Variants in SORCS3 observed in about 807,000 individuals in gnomAD.
SORCS3 encodes VPS10 domain-containing receptor SorCS3.
A neutral mutation model predicts 146.3 loss-of-function variants in SORCS3; 57 were observed. The ratio of observed to expected loss-of-function variants is 0.39; its 90% CI spans 0.31 to 0.49. The LOEUF is 0.49. Ranked by LOEUF, SORCS3 falls within the 20% of genes least tolerant of loss-of-function variation. The pLI, the probability that SORCS3 is intolerant of heterozygous loss-of-function variation, is 0.92. For missense variants in SORCS3, 1,341 were observed against 1,575.5 expected, an observed-to-expected ratio of 0.85 and a Z score of 2.52; for synonymous variants, 653 against 618.5, an observed-to-expected ratio of 1.06 and a Z score of -0.83.
intron 5 of SORCS3, among the ~76,000 whole-genome samples, chr10:105,074,319 T>G (rs909326954): frequency 6.6e-6 from 1 of 152,172 alleles, no homozygotes; most frequent in Non-Finnish European, 1.5e-5. Context: ...GTCTCTAGTC[T>G]CTCATTGATA....
intron 1 of SORCS3, among the ~76,000 whole-genome samples, chr10:104,811,037 C>T (rs2017734897): frequency 6.6e-6 from 1 of 152,110 alleles, no homozygotes; most frequent in Non-Finnish European, 1.5e-5. Context: ...AAGAAAAGCC[C>T]ATTGCTTCAA....
intron 3 of SORCS3, among the ~76,000 whole-genome samples, chr10:104,969,154 C>A (rs2054843758): frequency 2.0e-5 from 3 of 152,144 alleles, no homozygotes. Flanking sequence ...AATATGGCCT[C>A]CTCCTTTTTT....
chr10:104,741,523 A>G (rs1441057191), intron 1 of SORCS3, among the ~76,000 whole-genome samples: 1 of 149,558 alleles, frequency 6.7e-6, no homozygotes, highest in Non-Finnish European at 1.5e-5. Flanking sequence ...TTGTTTCTTC[A>G]CTCTACTTTC....
At chr10:104,825,174 C>A (rs1256846587) in intron 1 of SORCS3, among the ~76,000 whole-genome samples, 1 of 152,130 alleles carries the variant, frequency 6.6e-6, no homozygotes, top group Non-Finnish European at 1.5e-5. Context: ...ACTCAAATGG[C>A]AAATGACCTG....
chr10:105,137,706 A>T (rs2056068387), intron 7 of SORCS3, among the ~76,000 whole-genome samples: 1 of 152,148 alleles, frequency 6.6e-6, no homozygotes, highest in Non-Finnish European at 1.5e-5. Context: ...TTGATCCCCA[A>T]CTCAGATCTA....
chr10:105,075,116 C>A (rs1003388533), intron 5 of SORCS3, among the ~76,000 whole-genome samples: 2 of 152,164 alleles, frequency 1.3e-5, no homozygotes, highest in African/African-American at 4.8e-5. Context: ...TCCCCGAATT[C>A]CTCCAGCACT....
intron 14 of SORCS3, among the ~76,000 whole-genome samples, chr10:105,197,292 G>A (rs916929153): frequency 6.6e-6 from 1 of 152,052 alleles, no homozygotes; most frequent in Admixed American, 6.6e-5. Context: ...TTAAACTTTA[G>A]GAACTATGAA....
At chr10:104,738,663 C>T (rs1004934908) in intron 1 of SORCS3, among the ~76,000 whole-genome samples, 2 of 152,072 alleles carry the variant, frequency 1.3e-5, no homozygotes, top group Admixed American at 6.6e-5. Flanking sequence ...GAGGCAGACA[C>T]GTGTGACTGT....
At chr10:104,726,427 T>A (rs1429161017) in intron 1 of SORCS3, among the ~76,000 whole-genome samples, 1 of 152,168 alleles carries the variant, frequency 6.6e-6, no homozygotes, top group Non-Finnish European at 1.5e-5. Flanking sequence ...ATTAATGCTG[T>A]AGGCCAACGT....
chr10:104,969,012 A>G (rs929427285), intron 3 of SORCS3, among the ~76,000 whole-genome samples: 3 of 152,226 alleles, frequency 2.0e-5, no homozygotes, highest in East Asian at 3.8e-4. Flanking sequence ...TTTGAAATCC[A>G]TGTGTAACAA....
intron 1 of SORCS3, among the ~76,000 whole-genome samples, chr10:104,677,657 G>A (rs1317503069): frequency 6.6e-6 from 1 of 152,158 alleles, no homozygotes; most frequent in East Asian, 1.9e-4. Context: ...CCCAGGGCTT[G>A]CTATCAGAGC....
chr10:105,173,049 G>A (rs1406764408), intron 13 of SORCS3, among the ~76,000 whole-genome samples: 1 of 151,998 alleles, frequency 6.6e-6, no homozygotes, highest in Non-Finnish European at 1.5e-5. Flanking sequence ...ATTATGATGA[G>A]AAATCTAGAT....
intron 1 of SORCS3, among the ~76,000 whole-genome samples, chr10:104,700,597 A>T (rs2016269013): frequency 6.6e-6 from 1 of 152,144 alleles, no homozygotes; most frequent in Admixed American, 6.5e-5. Context: ...TGACAGCCTC[A>T]TCAGAATAAA....
chr10:104,838,277 T>C (rs1341572379), intron 1 of SORCS3, among the ~76,000 whole-genome samples: 1 of 152,068 alleles, frequency 6.6e-6, no homozygotes, highest in Non-Finnish European at 1.5e-5. Flanking sequence ...AGCCACACTC[T>C]CATCTCTTTC....
At chr10:104,820,181 T>G (rs956854856) in intron 1 of SORCS3, among the ~76,000 whole-genome samples, 1 of 152,154 alleles carries the variant, frequency 6.6e-6, no homozygotes, top group Non-Finnish European at 1.5e-5. Flanking sequence ...TTTTTTAGGG[T>G]AAGAATATAT....
At chr10:105,013,303 C>T (rs2055145957) in intron 4 of SORCS3, among the ~76,000 whole-genome samples, 1 of 151,948 alleles carries the variant, frequency 6.6e-6, no homozygotes, top group South Asian at 2.1e-4. Context: ...AATAGTAAAA[C>T]ATTACAAACT....
intron 26 of SORCS3, among the ~76,000 whole-genome samples, chr10:105,262,724 T>C (rs2056969528): frequency 6.6e-6 from 1 of 152,232 alleles, no homozygotes. Flanking sequence ...GGGTTAGGGA[T>C]GAAGCCAACT....
At chr10:104,987,596 T>C (rs11591402) in intron 4 of SORCS3, among the ~76,000 whole-genome samples, 1 of 151,894 alleles carries the variant, frequency 6.6e-6, no homozygotes. Flanking sequence ...CTTCAGCGTT[T>C]TTTTCACTGT....
At chr10:104,764,014 T>TG (rs1353262728) in intron 1 of SORCS3, among the ~76,000 whole-genome samples, 1 of 151,742 alleles carries the variant, frequency 6.6e-6, no homozygotes, top group Non-Finnish European at 1.5e-5. Context: ...TTTTTTTTTT[T>TG]TTTAATGAAT....
Sources: gnomAD v4.1 joint callset for allele counts (sites outside exome capture counted in the v4.1 genomes callset) on GRCh38, gnomAD v4.1.1 for gene constraint, MANE v1.5 for transcripts, NCBI Gene and HGNC (gene_info 2026-07-23, HGNC 2026-07-21) for gene names.